Variants in SREBF1 observed in about 807,000 individuals in gnomAD.
The protein encoded by SREBF1 is sterol regulatory element-binding protein 1.
Under a neutral mutation model 100.1 loss-of-function variants are expected in SREBF1, and 45 were observed. The ratio of observed to expected loss-of-function variants is 0.45; its 90% CI spans 0.35 to 0.58. The LOEUF is 0.58. Ranked by LOEUF, SREBF1 falls within the 20% of genes least tolerant of loss-of-function variation. SREBF1 has a pLI of 0.00. For synonymous variants in SREBF1, 657 were observed against 681.8 expected (o/e 0.96, Z 0.57); for missense variants, 1,324 against 1,539.4 (o/e 0.86, Z 2.34).
rs146987437 is a variant in SREBF1 at position 17,812,721 on chromosome 17, C to T, written c.3345G>A (p.Ala1115=). ...CGCCAAGCTTCTCGAGTGTGCGCGC[C>T]GCCTCAGCCAGCATGCCCACGCGCT... The part of the protein sequence containing the change: ...PGQRVGMLAE[A]ARTLEKLGDR... The change falls in exon 19 of 19, where the codon GCG becomes GCA. Residue 1115 remains alanine (A), a synonymous_variant. Coordinates refer to ENST00000261646, the MANE Select transcript of SREBF1 (RefSeq NM_004176.5). 27 of 1,589,142 alleles carry T rather than the reference C, an allele frequency of 1.7e-5. No individual in the cohort carries two copies. The highest frequency in any genetic ancestry group is 2.3e-5 in the Non-Finnish European group (27 of 1,167,924).
At chr17:17,812,901 C>T (rs2033065068) in intron 18 of SREBF1, 50 bp from the exon 19 acceptor site, 1 of 1,425,090 alleles carries the variant, frequency 7.0e-7, no homozygotes, top group African/African-American at 1.4e-5. Context: ...GGCCACGCCC[C>T]CGCGGGAGCC....
chr17:17,812,361 AG>A lies in SREBF1; in HGVS notation c.*260del, dbSNP rs1048511478. 1 of 578,912 alleles carries A rather than the reference AG, an allele frequency of 1.7e-6. No homozygotes were observed. Among genetic ancestry groups the A allele is most frequent in the Admixed American group, 3.3e-5 (1 of 30,726 alleles). The allele number at this position is 578,912 out of a possible 1,614,324, so 35.9% of individuals were successfully genotyped here. A position where few individuals can be genotyped will look rare whatever the true frequency, so the allele number is the denominator to read the frequency against. On this transcript the variant is annotated 3_prime_UTR_variant, in exon 19 of 19. Coordinates refer to ENST00000261646, the MANE Select transcript of SREBF1 (RefSeq NM_004176.5). ...CCACTAAGGTGCCTGCAGAGCAAGG[AG>A]GGGGGCCCCCCAAAATGGCTCGGCC... is the stretch of plus-strand genomic sequence containing the variant.
rs2032874112 is a variant in SREBF1, at chr17:17,811,757, A to G, written c.*865T>C. On this transcript the variant is annotated 3_prime_UTR_variant, in exon 19 of 19. Transcript: ENST00000261646. ...TGTCACACAACAGGTCCTGGAAGTCAGTCCATCCTCCCGTGCCACCCAGGG... is the reference window on the plus strand; with the variant it reads ...TGTCACACAACAGGTCCTGGAAGTCGGTCCATCCTCCCGTGCCACCCAGGG... 1 of 455,026 alleles carries G rather than the reference A, an allele frequency of 2.2e-6. No individual in the cohort carries two copies. The highest frequency in any genetic ancestry group is 4.4e-6 in the Non-Finnish European group (1 of 226,334). 28.2% of individuals were successfully genotyped at this position (455,026 alleles called of 1,614,324 possible).
At chr17:17,831,807 G>A (rs1333178375) in intron 1 of SREBF1, among the ~76,000 whole-genome samples, 1 of 152,216 alleles carries the variant, frequency 6.6e-6, no homozygotes, top group Non-Finnish European at 1.5e-5. Flanking sequence ...ACTATAGCCA[G>A]GGCAGTGCCT....
At position 17,819,715 on chromosome 17, in the gene SREBF1, G is replaced by T; in HGVS notation, c.534C>A (p.Pro178=). The T allele has an allele frequency of 6.2e-7, 1 of 1,603,680 alleles. No individual in the cohort carries two copies. The stretch of plus-strand genomic sequence containing the variant: ...CAGGCAGCGGCTGCTGGGTGTTCCC[G>T]GGAGGGCTTCCTGCAGAAATAAAGC... ...PPGGFSTGSP[P]GNTQQPLPGL... The change falls in exon 3 of 19, where the codon CCC becomes CCA. Residue 178 remains proline (P), a synonymous_variant. Coordinates refer to ENST00000261646, the MANE Select transcript of SREBF1 (RefSeq NM_004176.5).
chr17:17,835,880 T>A (rs572006170), intron 1 of SREBF1, among the ~76,000 whole-genome samples: 1 of 152,250 alleles, frequency 6.6e-6, no homozygotes, highest in Non-Finnish European at 1.5e-5. Flanking sequence ...CTCACTCCTT[T>A]GCAAGCCTCT....
chr17:17,823,586 C>A, intron 1 of SREBF1: 2 of 1,612,892 alleles, frequency 1.2e-6, no homozygotes, highest in Non-Finnish European at 8.5e-7. Flanking sequence ...GTTGGCCCTA[C>A]CCCTCCCCGC....
At position 17,836,724 on chromosome 17, in the gene SREBF1, C is replaced by A; in HGVS notation, c.91+3G>T. On this transcript the variant is annotated splice_donor_region_variant and intron_variant, in intron 1 of 18. Coordinates refer to ENST00000261646, the MANE Select transcript of SREBF1 (RefSeq NM_004176.5). ...GCTTCAAGCCCTGCCCGCCCTGACGCACCTTCGATGTCGGTCAGCAGCGCC... is the reference window on the plus strand; with the variant it reads ...GCTTCAAGCCCTGCCCGCCCTGACGAACCTTCGATGTCGGTCAGCAGCGCC... The A allele has an allele frequency of 6.4e-7, 1 of 1,566,030 alleles. No homozygotes were observed. The highest frequency in any genetic ancestry group is 8.6e-7 in the Non-Finnish European group (1 of 1,163,448).
intron 2 of SREBF1, 145 bp downstream of exon 2, chr17:17,819,939 GACTGCT>G: frequency 8.8e-7 from 1 of 1,141,800 alleles, no homozygotes; most frequent in Non-Finnish European, 1.2e-6. Flanking sequence ...AGCACACCAG[GACTGCT>G]AGTAACAGGG....
chr17:17,820,085 C>G lies in SREBF1; in HGVS notation c.523+5G>C, dbSNP rs752693771. On this transcript the variant is annotated splice_donor_5th_base_variant and intron_variant, in intron 2 of 18. Coordinates refer to ENST00000261646, the MANE Select transcript of SREBF1 (RefSeq NM_004176.5). ...GTGTCCCCTCCCGCCACACATCCCC[C>G]TTACCTGTAGAGAAGCCTCCCGGAG... The G allele has an allele frequency of 6.2e-6, 10 of 1,610,488 alleles. No individual in the cohort carries two copies. Among genetic ancestry groups the G allele is most frequent in the African/African-American group, 1.3e-5 (1 of 74,854 alleles).
chr17:17,814,324 C>A lies in SREBF1; in HGVS notation c.2822G>T (p.Ser941Ile). ...GCAKAESGPASLTICEKASGY... is the reference protein window; with the variant it reads ...GCAKAESGPAILTICEKASGY... ...ACTGGCCTTCTCACAGATGGTCAGG[C>A]TGGCTGGACCAGACTCTGCCTTGGC... is the stretch of plus-strand genomic sequence containing the variant. Residue 941 changes from serine to isoleucine, a missense_variant, in exon 16 of 19, where the codon AGC becomes ATC. Transcript: ENST00000261646. 1 of 1,592,868 alleles carries A rather than the reference C, an allele frequency of 6.3e-7. No homozygotes were observed.
At chr17:17,827,123 A>G (rs1480697598) in intron 1 of SREBF1, among the ~76,000 whole-genome samples, 3 of 152,194 alleles carry the variant, frequency 2.0e-5, no homozygotes, top group Non-Finnish European at 4.4e-5. Context: ...AGTGTGTGCA[A>G]AGGCCCTGCA....
chr17:17,833,603 A>T (rs2143201790), intron 1 of SREBF1, among the ~76,000 whole-genome samples: 1 of 151,866 alleles, frequency 6.6e-6, no homozygotes, highest in East Asian at 1.9e-4. Context: ...ACAACTCAAA[A>T]AGTTAACTAA....
Position 17,812,601 on chromosome 17 carries a change from C to T in SREBF1, c.*21G>A. The T allele has an allele frequency of 6.3e-7, 1 of 1,579,390 alleles. No individual in the cohort carries two copies. Among genetic ancestry groups the T allele is most frequent in the Non-Finnish European group, 8.6e-7 (1 of 1,161,300 alleles). Reference sequence around the variant, plus strand: ...ACCAAAGTGGCTAGAGACAGGGGTGCTGAGGCCGGGGACACGGGGTCTAGC... The same window carrying T: ...ACCAAAGTGGCTAGAGACAGGGGTGTTGAGGCCGGGGACACGGGGTCTAGC... On this transcript the variant is annotated 3_prime_UTR_variant, in exon 19 of 19. Coordinates refer to ENST00000261646, the MANE Select transcript of SREBF1 (RefSeq NM_004176.5).
chr17:17,812,881 G>C, intron 18 of SREBF1, 30 bp from the exon 19 acceptor site: 1 of 1,462,390 alleles, frequency 6.8e-7, no homozygotes, highest in Non-Finnish European at 9.0e-7. Flanking sequence ...TCAGGGATGG[G>C]TCTCAAGCTG....
rs952807362 is a variant in SREBF1, at chr17:17,814,640, G to A, written c.2710C>T (p.Leu904=). Residue 904 remains leucine, a synonymous_variant, in exon 15 of 19, where the codon CTG becomes TTG. Coordinates refer to ENST00000261646, the MANE Select transcript of SREBF1 (RefSeq NM_004176.5). ...TCAGACTCCTGCAGCACCCGGGGCA[G>A]GTGCTCCACCAGCGGGCACAGCCGC... ...AERLCPLVEH[L]PRVLQESERP... is the part of the protein sequence containing the mutation. 6.5e-5 allele frequency: 101 copies of A among 1,549,818 alleles called. No individual in the cohort carries two copies. The highest frequency in any genetic ancestry group is 8.6e-5 in the Non-Finnish European group (99 of 1,152,262).
At position 17,811,954 on chromosome 17, in the gene SREBF1, T is replaced by TAAG. The variant is rs1555568551; in HGVS notation, c.*665_*667dup. 6.7e-6 allele frequency: 3 copies of TAAG among 447,468 alleles called. No homozygotes were observed. 27.7% of individuals were successfully genotyped at this position (447,468 alleles called of 1,614,324 possible). A position where few individuals can be genotyped will look rare whatever the true frequency, so the allele number is the denominator to read the frequency against. On this transcript the variant is annotated 3_prime_UTR_variant, in exon 19 of 19. Coordinates refer to ENST00000261646, the MANE Select transcript of SREBF1 (RefSeq NM_004176.5). The stretch of plus-strand genomic sequence containing the variant: ...CTAACAAACAAACATCGGGAAGAGC[T>TAAG]AAGTTAAAAGTTGTGTACCTTGTGG...
Position 17,816,638 on chromosome 17 carries a change from G to C in SREBF1, c.1866C>G (p.Asp622Glu). The C allele has an allele frequency of 6.3e-7, 1 of 1,599,250 alleles. No homozygotes were observed. The highest frequency in any genetic ancestry group is 2.3e-5 in the East Asian group (1 of 44,308). Residue 622 changes from aspartate (D) to glutamate (E), a missense_variant, in exon 10 of 19, where the codon GAC (aspartate) becomes GAG (glutamate). Asp to Glu is a conservative substitution (Grantham distance 45, BLOSUM62 2). Transcript: ENST00000261646. ...LGRPLPTSHLDLACSLLWNLI... is the reference protein window; with the variant it reads ...LGRPLPTSHLELACSLLWNLI... ...GGTTCCAGAGGAGGCTACAAGCCAG[G>C]TCCAGGTGGGAGGTGGGCAGGGGCC...
At chr17:17,823,151 G>A (rs540552992) in intron 1 of SREBF1, among the ~76,000 whole-genome samples, 1 of 152,232 alleles carries the variant, frequency 6.6e-6, no homozygotes, top group Non-Finnish European at 1.5e-5. Flanking sequence ...ATAGGCAGGG[G>A]TGCTGAATAG....
Sources: gnomAD v4.1 joint callset for allele counts (sites outside exome capture counted in the v4.1 genomes callset) on GRCh38, gnomAD v4.1.1 for gene constraint, MANE v1.5 for transcripts, NCBI Gene and HGNC (gene_info 2026-07-23, HGNC 2026-07-21) for gene names.